The following FAM149B1 variants were observed in gnomAD, a reference collection of about 807,000 sequenced individuals.
The protein encoded by FAM149B1 is family with sequence similarity 149 member B1.
Under a neutral mutation model 75.3 loss-of-function variants are expected in FAM149B1, and 56 were observed. That is an observed-to-expected ratio of 0.74 (90% CI 0.60 to 0.93). FAM149B1 has a LOEUF of 0.93. Ranked by LOEUF, FAM149B1 falls within the 40% of genes least tolerant of loss-of-function variation. FAM149B1 has a pLI of 0.00. For missense variants in FAM149B1, 639 were observed against 708.4 expected, an observed-to-expected ratio of 0.90 and a Z score of 1.11; for synonymous variants, 259 against 256.1, an observed-to-expected ratio of 1.01 and a Z score of -0.11.
At chr10:73,227,490 C>T (rs2043578811) in intron 7 of FAM149B1, among the ~76,000 whole-genome samples, 1 of 152,164 alleles carries the variant, frequency 6.6e-6, no homozygotes, top group African/African-American at 2.4e-5. Flanking sequence ...CCTTGCTGAT[C>T]CGACTATGCT....
intron 7 of FAM149B1, among the ~76,000 whole-genome samples, chr10:73,214,513 A>C (rs1308892421): frequency 2.0e-5 from 3 of 152,130 alleles, no homozygotes; most frequent in African/African-American, 4.8e-5. Flanking sequence ...ATCATGAAGT[A>C]ATGTTGAATT....
At chr10:73,176,623 C>T (rs1004467898) in intron 2 of FAM149B1, among the ~76,000 whole-genome samples, 2 of 152,154 alleles carry the variant, frequency 1.3e-5, no homozygotes, top group African/African-American at 4.8e-5. Flanking sequence ...TGATGGCTCA[C>T]ATCTGTAGTC....
chr10:73,176,255 G>C (rs1464047790), intron 2 of FAM149B1, among the ~76,000 whole-genome samples: 4 of 152,134 alleles, frequency 2.6e-5, no homozygotes, highest in African/African-American at 7.2e-5. Context: ...AGAAGGCAGA[G>C]CTCAGGTGGT....
chr10:73,235,642 T>C (rs1296174160), intron 12 of FAM149B1, among the ~76,000 whole-genome samples: 2 of 152,182 alleles, frequency 1.3e-5, no homozygotes, highest in Non-Finnish European at 1.5e-5. Context: ...CTTCTGGAAT[T>C]ACATCAAAAG....
chr10:73,184,905 T>G (rs1215665480), intron 3 of FAM149B1, among the ~76,000 whole-genome samples: 1 of 151,956 alleles, frequency 6.6e-6, no homozygotes, highest in Non-Finnish European at 1.5e-5. Flanking sequence ...ACAGATAAGA[T>G]AGAAATTAAT....
chr10:73,221,718 AT>A lies in FAM149B1; in HGVS notation c.899-6333del, dbSNP rs559365759. On this transcript the variant is annotated intron_variant, in intron 7 of 13. Transcript: ENST00000242505. ...AAGCTTTCAGCCATTATTTCTTCAG[AT>A]TTTTTTTTCTGTCCCCCATCATCCG... Among the ~76,000 whole-genome samples, 136 of 151,062 alleles carry A rather than the reference AT, an allele frequency of 9.0e-4. 1 individual carries two copies. The highest frequency in any genetic ancestry group is 1.3e-3 in the Non-Finnish European group (88 of 67,706).
At chr10:73,180,847 TATTC>T (rs1274003731) in intron 3 of FAM149B1, among the ~76,000 whole-genome samples, 1 of 152,116 alleles carries the variant, frequency 6.6e-6, no homozygotes, top group African/African-American at 2.4e-5. Flanking sequence ...TAGTAGGTCT[TATTC>T]ATTCTTTCTG....
At chr10:73,230,598 T>C in intron 9 of FAM149B1, 73 bp downstream of exon 9, 3 of 848,216 alleles carry the variant, frequency 3.5e-6, no homozygotes, top group Non-Finnish European at 5.9e-6. Flanking sequence ...AGTTTATCAG[T>C]ATGCATGTAT....
At chr10:73,181,991 A>G (rs2042409957) in intron 3 of FAM149B1, among the ~76,000 whole-genome samples, 1 of 152,168 alleles carries the variant, frequency 6.6e-6, no homozygotes, top group Non-Finnish European at 1.5e-5. Context: ...TTATCATTAT[A>G]TAGTGACCTT....
chr10:73,234,986 T>C (rs191041721), intron 11 of FAM149B1, 46 bp downstream of exon 11: 2 of 1,540,326 alleles, frequency 1.3e-6, no homozygotes, highest in African/African-American at 2.7e-5. Flanking sequence ...CCATACAACC[T>C]AATGGGCAGT....
intron 7 of FAM149B1, among the ~76,000 whole-genome samples, chr10:73,212,404 C>T (rs2043205031): frequency 6.6e-6 from 1 of 152,116 alleles, no homozygotes; most frequent in Non-Finnish European, 1.5e-5. Context: ...CTTCAGCCTC[C>T]CGAGTAGCTG....
At chr10:73,226,440 G>A (rs2043551978) in intron 7 of FAM149B1, among the ~76,000 whole-genome samples, 1 of 152,146 alleles carries the variant, frequency 6.6e-6, no homozygotes, top group South Asian at 2.1e-4. Flanking sequence ...GGGAGGCAGA[G>A]CTTGCAGTGA....
intron 5 of FAM149B1, 61 bp downstream of exon 5, chr10:73,193,654 C>G (rs77363306): frequency 0.074 from 109,557 of 1,481,522 alleles, 6,241 homozygotes; most frequent in East Asian, 0.28. Flanking sequence ...TATGTCCTAC[C>G]AGTTGTATTA....
intron 7 of FAM149B1, among the ~76,000 whole-genome samples, chr10:73,225,007 C>T (rs553075238): frequency 6.6e-6 from 1 of 152,252 alleles, no homozygotes; most frequent in East Asian, 1.9e-4. Flanking sequence ...CACCTAATGC[C>T]ATTGTAGTTG....
intron 9 of FAM149B1, among the ~76,000 whole-genome samples, chr10:73,231,936 A>AAAG (rs2043711936): frequency 2.0e-5 from 3 of 152,026 alleles, no homozygotes; most frequent in Non-Finnish European, 2.9e-5. Context: ...AAAAAAAAAA[A>AAAG]AAAGGCATAA....
Position 73,243,577 on chromosome 10 carries a change from T to C in FAM149B1, c.*2558T>C. The C allele has an allele frequency of 6.3e-7, 1 of 1,599,672 alleles. No individual in the cohort carries two copies. The highest frequency in any genetic ancestry group is 8.5e-7 in the Non-Finnish European group (1 of 1,173,398). On this transcript the variant is annotated 3_prime_UTR_variant, in exon 14 of 14. Coordinates refer to ENST00000242505, the MANE Select transcript of FAM149B1 (RefSeq NM_173348.2). Reference sequence around the variant, plus strand: ...ACATTATCCATAGACAGAAAGTACCTAGTGGTTGCCAGGGGCTGGAAAAGT... The same window carrying C: ...ACATTATCCATAGACAGAAAGTACCCAGTGGTTGCCAGGGGCTGGAAAAGT...
At position 73,183,129 on chromosome 10, in the gene FAM149B1, T is replaced by C. The variant is rs148935090; in HGVS notation, c.282+5154T>C. On this transcript the variant is annotated intron_variant, in intron 3 of 13. Coordinates refer to ENST00000242505, the MANE Select transcript of FAM149B1 (RefSeq NM_173348.2). ...GAGGAGCAGAGACGAGAGTTCAGGG[T>C]AGAGGAAGAGAAGAGAACCAGAAAT... Among the ~76,000 whole-genome samples the C allele has an allele frequency of 1.2e-4, 19 of 152,136 alleles. 1 individual carries two copies. The East Asian group carries it at 3.7e-3, about 29-fold the overall frequency.
chr10:73,175,091 CTTGGTA>C (rs386745319), intron 2 of FAM149B1, among the ~76,000 whole-genome samples: 21 of 152,162 alleles, frequency 1.4e-4, no homozygotes, highest in African/African-American at 4.6e-4. Flanking sequence ...GAACATGGAG[CTTGGTA>C]CTTACAATCC....
chr10:73,204,487 G>A (rs978560783), intron 5 of FAM149B1, among the ~76,000 whole-genome samples: 3 of 152,102 alleles, frequency 2.0e-5, no homozygotes, highest in African/African-American at 7.2e-5. Context: ...AATGTAAAGA[G>A]CAATACAAAG....
Sources: allele counts gnomAD v4.1 joint callset (sites outside exome capture counted in the v4.1 genomes callset), GRCh38; gene constraint gnomAD v4.1.1; transcripts MANE v1.5; gene names NCBI Gene and HGNC (gene_info 2026-07-23, HGNC 2026-07-21).